CALN1: variants seen among roughly 807,000 people sequenced by gnomAD.
CALN1 encodes calneuron 1.
CALN1 carries 17 observed loss-of-function variants against 30.6 expected under a neutral mutation model. The observed-to-expected ratio is 0.56, with a 90% CI of 0.38 to 0.83. The LOEUF is 0.83. CALN1 is among the 40% of genes least tolerant of loss of function. CALN1 has a pLI of 0.00. For synonymous variants in CALN1, 156 were observed against 131.4 expected, an observed-to-expected ratio of 1.19 and a Z score of -1.28; for missense variants, 291 against 354.9, an observed-to-expected ratio of 0.82 and a Z score of 1.45.
At chr7:72,234,388 G>T (rs925172486) in intron 3 of CALN1, among the ~76,000 whole-genome samples, 1 of 152,118 alleles carries the variant, frequency 6.6e-6, no homozygotes, top group Non-Finnish European at 1.5e-5. Flanking sequence ...GACATCTCCT[G>T]AATATTGTTG....
At chr7:71,970,390 A>C (rs1156235359) in intron 5 of CALN1, among the ~76,000 whole-genome samples, 1 of 152,256 alleles carries the variant, frequency 6.6e-6, no homozygotes, top group Non-Finnish European at 1.5e-5. Flanking sequence ...GACTAAGCAA[A>C]CACCCTCATT....
intron 5 of CALN1, among the ~76,000 whole-genome samples, chr7:71,890,464 CCT>C (rs1793175544): frequency 6.6e-6 from 1 of 152,136 alleles, no homozygotes; most frequent in South Asian, 2.1e-4. Flanking sequence ...CTTCTGATTC[CCT>C]CTTTCTCTCT....
chr7:71,994,527 A>C (rs527786426), intron 5 of CALN1, among the ~76,000 whole-genome samples: 14 of 151,858 alleles, frequency 9.2e-5, no homozygotes, highest in East Asian at 3.9e-4. Flanking sequence ...AAAAAAAAAA[A>C]AAAAAACAGT....
intron 5 of CALN1, among the ~76,000 whole-genome samples, chr7:71,956,288 C>T (rs149994147): frequency 1.4e-3 from 204 of 150,720 alleles, no homozygotes; most frequent in African/African-American, 4.6e-3. Context: ...GTGCCCAGCC[C>T]GTTCTAGAAT....
intron 2 of CALN1, among the ~76,000 whole-genome samples, chr7:72,339,915 A>G (rs143482164): frequency 0.026 from 3,921 of 152,302 alleles, 163 homozygotes; most frequent in African/African-American, 0.087. Context: ...GCTACAAGTC[A>G]AGATGAGATT....
intron 2 of CALN1, among the ~76,000 whole-genome samples, chr7:72,392,492 G>A (rs1171888761): frequency 1.3e-5 from 2 of 152,182 alleles, no homozygotes; most frequent in Non-Finnish European, 2.9e-5. Context: ...GGGGCACATA[G>A]TGAAACAGGA....
chr7:72,372,752 C>G (rs1804319537), intron 2 of CALN1, among the ~76,000 whole-genome samples: 1 of 152,242 alleles, frequency 6.6e-6, no homozygotes, highest in Non-Finnish European at 1.5e-5. Flanking sequence ...TGGATCCAAC[C>G]AGACTGATCG....
the CALN1 span, among the ~76,000 whole-genome samples, chr7:72,485,764 C>T: frequency 5.9e-5 from 9 of 151,892 alleles, no homozygotes; most frequent in East Asian, 1.9e-4. Flanking sequence ...CCAGCTACTC[C>T]GGAGGCTGAG....
At position 72,292,313 on chromosome 7, in the gene CALN1, T is replaced by C. The variant is rs190954044; in HGVS notation, c.120-13503A>G. ...TGGTCTACAGGGGGCCCTCTTCTCA[T>C]TGTGTCCCCATGAGGTGGACAGCAG... On this transcript the variant is annotated intron_variant, in intron 2 of 6. Coordinates refer to ENST00000395275, the MANE Select transcript of CALN1 (RefSeq NM_031468.4). 5.3e-3 allele frequency among the ~76,000 whole-genome samples: 803 copies of C among 151,736 alleles called. 3 individuals are homozygous for C. The highest frequency in any genetic ancestry group is 8.7e-3 in the Non-Finnish European group (593 of 67,946).
At chr7:72,246,753 A>ATTT (rs58282615) in intron 3 of CALN1, among the ~76,000 whole-genome samples, 27,286 of 116,164 alleles carry the variant, frequency 0.23, 4,927 homozygotes, top group East Asian at 0.84. Flanking sequence ...TACCAGAACA[A>ATTT]TTTTTTTTTT....
At chr7:72,099,864 A>T (rs999404744) in intron 4 of CALN1, among the ~76,000 whole-genome samples, 1 of 152,244 alleles carries the variant, frequency 6.6e-6, no homozygotes, top group Non-Finnish European at 1.5e-5. Flanking sequence ...AATTCGCTGC[A>T]AGATTTGCTC....
the CALN1 span, among the ~76,000 whole-genome samples, chr7:72,472,782 T>C: frequency 6.6e-6 from 1 of 151,838 alleles, no homozygotes; most frequent in Non-Finnish European, 1.5e-5. Context: ...AGAGACTCCA[T>C]CAAAAAAGAA....
At position 72,245,272 on chromosome 7, in the gene CALN1, T is replaced by A. The variant is rs185321055; in HGVS notation, c.244+33414A>T. ...CAATTCCTAGGCACCAGTAACGTGC[T>A]GACTTTTCCTGCAACCCTACGTGCA... is the stretch of plus-strand genomic sequence containing the variant. On this transcript the variant is annotated intron_variant, in intron 3 of 6. Transcript: ENST00000395275. Among the ~76,000 whole-genome samples, 66 of 152,306 alleles carry A rather than the reference T, an allele frequency of 4.3e-4. No individual in the cohort carries two copies. The South Asian group carries it at 5.4e-3, about 12-fold the overall frequency.
chr7:71,901,965 T>C (rs542258931), intron 5 of CALN1, among the ~76,000 whole-genome samples: 4 of 152,182 alleles, frequency 2.6e-5, no homozygotes, highest in African/African-American at 9.6e-5. Context: ...AAAGAAATAA[T>C]TAACAGAGTG....
chr7:71,982,421 C>A (rs1023934569), intron 5 of CALN1, among the ~76,000 whole-genome samples: 15 of 152,128 alleles, frequency 9.9e-5, no homozygotes, highest in African/African-American at 3.6e-4. Context: ...ATGGCAAAAC[C>A]CTGTCTCTAC....
intron 4 of CALN1, among the ~76,000 whole-genome samples, chr7:72,060,299 T>C (rs1170159737): frequency 1.3e-5 from 2 of 152,206 alleles, no homozygotes; most frequent in Non-Finnish European, 2.9e-5. Flanking sequence ...CTGATGCCTT[T>C]TTCTCTTTCT....
Position 72,096,751 on chromosome 7 carries a change from C to T in CALN1, c.388+9400G>A, listed in dbSNP as rs555543650. ...TCAACCATTGTGGAAGACAGTGTGGCGATTCCTCAAGGATCTAGAACCAGA... is the reference window on the plus strand; with the variant it reads ...TCAACCATTGTGGAAGACAGTGTGGTGATTCCTCAAGGATCTAGAACCAGA... On this transcript the variant is annotated intron_variant, in intron 4 of 6. Coordinates refer to ENST00000395275, the MANE Select transcript of CALN1 (RefSeq NM_031468.4). 7.9e-5 allele frequency among the ~76,000 whole-genome samples: 12 copies of T among 152,202 alleles called. No homozygotes were observed. In the East Asian group the frequency reaches 1.2e-3, roughly 15 times the overall value.
chr7:72,177,551 A>C (rs929433399), intron 3 of CALN1, among the ~76,000 whole-genome samples: 1 of 151,952 alleles, frequency 6.6e-6, no homozygotes, highest in East Asian at 1.9e-4. Context: ...GATCACTTGA[A>C]GTCAGGAGTT....
intron 3 of CALN1, among the ~76,000 whole-genome samples, chr7:72,231,915 T>C (rs953678320): frequency 3.9e-5 from 6 of 152,166 alleles, no homozygotes; most frequent in Non-Finnish European, 8.8e-5. Context: ...TAAGTTGCAC[T>C]GGGGGGCAGG....
Sources: gnomAD v4.1 joint callset for allele counts (sites outside exome capture counted in the v4.1 genomes callset) on GRCh38, gnomAD v4.1.1 for gene constraint, MANE v1.5 for transcripts, NCBI Gene and HGNC (gene_info 2026-07-23, HGNC 2026-07-21) for gene names.